LRRC4C: variants seen among roughly 807,000 people sequenced by gnomAD.
The protein encoded by LRRC4C is leucine-rich repeat-containing protein 4C.
Under a neutral mutation model 33.6 loss-of-function variants are expected in LRRC4C, and 5 were observed. The ratio of observed to expected loss-of-function variants is 0.15; its 90% confidence interval spans 0.08 to 0.31. The LOEUF is 0.31. LRRC4C is among the 10% of genes least tolerant of loss of function. The pLI is 1.00. For missense variants in LRRC4C, 560 were observed against 796.7 expected, an observed-to-expected ratio of 0.70 and a Z score of 3.58; for synonymous variants, 329 against 302.0, an observed-to-expected ratio of 1.09 and a Z score of -0.93.
At position 40,824,932 on chromosome 11, in the gene LRRC4C, G is replaced by T. The variant is rs565076359; in HGVS notation, c.-407+108703C>A. Reference sequence around the variant, plus strand: ...CACTTCTGCCACACTGCCACAGCTGGTCACTGCTCTTTTACGGTGAGTTGG... The same window carrying T: ...CACTTCTGCCACACTGCCACAGCTGTTCACTGCTCTTTTACGGTGAGTTGG... On this transcript the variant is annotated intron_variant, in intron 2 of 6. Transcript: ENST00000528697. Among the ~76,000 whole-genome samples, 11 of 151,986 alleles carry T rather than the reference G, an allele frequency of 7.2e-5. 1 individual carries two copies. Among genetic ancestry groups the T allele is most frequent in the African/African-American group, 2.7e-4 (11 of 41,506 alleles).
intron 1 of LRRC4C, among the ~76,000 whole-genome samples, chr11:41,326,861 C>T (rs1206159235): frequency 3.3e-5 from 5 of 152,168 alleles, no homozygotes; most frequent in South Asian, 2.1e-4. Flanking sequence ...CTATAACTCC[C>T]GATACTCTAT....
At chr11:40,452,269 G>T (rs1236878523) in intron 3 of LRRC4C, among the ~76,000 whole-genome samples, 1 of 152,110 alleles carries the variant, frequency 6.6e-6, no homozygotes, top group Non-Finnish European at 1.5e-5. Flanking sequence ...GAAAATTTTT[G>T]CAGTCTACTC....
intron 3 of LRRC4C, among the ~76,000 whole-genome samples, chr11:40,594,214 TAGA>T (rs1443950858): frequency 1.2e-4 from 19 of 152,252 alleles, no homozygotes; most frequent in South Asian, 2.1e-4. Context: ...CTGGGAAAGC[TAGA>T]AGGAGCTAAT....
chr11:40,336,604 A>T (rs1946614656), intron 3 of LRRC4C, among the ~76,000 whole-genome samples: 1 of 152,172 alleles, frequency 6.6e-6, no homozygotes, highest in African/African-American at 2.4e-5. Flanking sequence ...ATTTAGCATC[A>T]CTTCAGTTAA....
chr11:40,793,027 A>G (rs1046176725), intron 2 of LRRC4C, among the ~76,000 whole-genome samples: 1 of 152,078 alleles, frequency 6.6e-6, no homozygotes, highest in Non-Finnish European at 1.5e-5. Flanking sequence ...TAGGAGATAC[A>G]CCTAATGTAA....
intron 3 of LRRC4C, among the ~76,000 whole-genome samples, chr11:40,561,173 T>C (rs1390762852): frequency 6.6e-6 from 1 of 152,098 alleles, no homozygotes; most frequent in Non-Finnish European, 1.5e-5. Context: ...ACATAACAGA[T>C]GCATAAAGGG....
At chr11:40,279,040 C>T (rs1452431989) in intron 4 of LRRC4C, among the ~76,000 whole-genome samples, 1 of 152,070 alleles carries the variant, frequency 6.6e-6, no homozygotes, top group East Asian at 1.9e-4. Context: ...ATTAAAATAG[C>T]CCATGAAAGA....
intron 3 of LRRC4C, among the ~76,000 whole-genome samples, chr11:40,642,320 A>G (rs985529666): frequency 3.3e-5 from 5 of 152,218 alleles, no homozygotes; most frequent in Non-Finnish European, 5.9e-5. Context: ...AAGAATAAAG[A>G]AATAGGAAAT....
chr11:40,779,932 C>A (rs1950150195), intron 2 of LRRC4C, among the ~76,000 whole-genome samples: 1 of 152,082 alleles, frequency 6.6e-6, no homozygotes, highest in African/African-American at 2.4e-5. Flanking sequence ...TTTATCATGG[C>A]AATACCACAA....
intron 2 of LRRC4C, among the ~76,000 whole-genome samples, chr11:40,834,911 G>GACAGAC (rs748483585): frequency 5.9e-5 from 5 of 84,932 alleles, no homozygotes; most frequent in South Asian, 5.5e-4. Context: ...CAGACAGACA[G>GACAGAC]ACACACACAC....
chr11:40,647,752 G>A (rs1321529296), intron 3 of LRRC4C, among the ~76,000 whole-genome samples: 1 of 152,166 alleles, frequency 6.6e-6, no homozygotes, highest in African/African-American at 2.4e-5. Flanking sequence ...AGGAGCTGGG[G>A]CATCACCATT....
At chr11:40,271,121 C>CA (rs1417880273) in intron 4 of LRRC4C, among the ~76,000 whole-genome samples, 2 of 152,158 alleles carry the variant, frequency 1.3e-5, no homozygotes, top group African/African-American at 4.8e-5. Flanking sequence ...TTTGCATCAA[C>CA]ATTGCTACCC....
intron 3 of LRRC4C, among the ~76,000 whole-genome samples, chr11:40,497,553 A>T (rs1248725033): frequency 6.6e-6 from 1 of 152,224 alleles, no homozygotes; most frequent in Non-Finnish European, 1.5e-5. Flanking sequence ...ATCTAAAAAA[A>T]TAAAAACAGT....
chr11:40,652,661 G>C (rs572336014), intron 2 of LRRC4C, among the ~76,000 whole-genome samples: 1 of 152,306 alleles, frequency 6.6e-6, no homozygotes, highest in Admixed American at 6.5e-5. Flanking sequence ...GAGCAGGGCT[G>C]GATGCTCCAA....
intron 2 of LRRC4C, among the ~76,000 whole-genome samples, chr11:40,762,582 C>T (rs1432016172): frequency 6.6e-6 from 1 of 152,018 alleles, no homozygotes; most frequent in Non-Finnish European, 1.5e-5. Flanking sequence ...GTTCCCCTGT[C>T]ATAGTATATG....
intron 3 of LRRC4C, among the ~76,000 whole-genome samples, chr11:40,481,018 C>A (rs1953531458): frequency 6.7e-6 from 1 of 149,690 alleles, no homozygotes; most frequent in African/African-American, 2.5e-5. Context: ...AGCATTGTGT[C>A]TATAGTTAAT....
intron 1 of LRRC4C, among the ~76,000 whole-genome samples, chr11:41,358,718 A>C (rs1158998792): frequency 6.6e-6 from 1 of 152,192 alleles, no homozygotes; most frequent in Non-Finnish European, 1.5e-5. Flanking sequence ...CAAATCTGGA[A>C]CACTGACAAC....
In LRRC4C at chr11:41,077,156, C is replaced by T. The variant is rs575152523; in HGVS notation, c.-495-143433G>A. 5.9e-5 allele frequency among the ~76,000 whole-genome samples: 9 copies of T among 152,312 alleles called. No individual in the cohort carries two copies. The South Asian group carries it at 1.4e-3, about 25-fold the overall frequency. On this transcript the variant is annotated intron_variant, in intron 1 of 6. Transcript: ENST00000528697. ...GCTTTCATGGGTTGGTGTTCAATGCCTGTGGCTTTCTTGGTTGCACAGTGC... is the reference window on the plus strand; with the variant it reads ...GCTTTCATGGGTTGGTGTTCAATGCTTGTGGCTTTCTTGGTTGCACAGTGC...
chr11:40,402,551 T>C (rs1949800222), intron 3 of LRRC4C, among the ~76,000 whole-genome samples: 1 of 152,110 alleles, frequency 6.6e-6, no homozygotes, highest in Non-Finnish European at 1.5e-5. Context: ...TTAAAGATGT[T>C]ATATGAATTC....
Sources: gnomAD v4.1 joint callset for allele counts (sites outside exome capture counted in the v4.1 genomes callset) on GRCh38, gnomAD v4.1.1 for gene constraint, MANE v1.5 for transcripts, NCBI Gene and HGNC (gene_info 2026-07-23, HGNC 2026-07-21) for gene names.